Variants in LEF1 observed in about 807,000 individuals in gnomAD.
LEF1 encodes lymphoid enhancer-binding factor 1.
A neutral mutation model predicts 51.2 loss-of-function variants in LEF1; 14 were observed. The ratio of observed to expected loss-of-function variants is 0.27; its 90% CI spans 0.18 to 0.43. The LOEUF (loss-of-function observed/expected upper bound fraction) is 0.43. LEF1 is among the 20% of genes least tolerant of loss of function. LEF1 has a pLI of 1.00. For missense variants in LEF1, 386 were observed against 512.0 expected, an observed-to-expected ratio of 0.75 and a Z score of 2.37; for synonymous variants, 185 against 183.2, an observed-to-expected ratio of 1.01 and a Z score of -0.08.
intron 7 of LEF1, among the ~76,000 whole-genome samples, chr4:108,078,620 T>C (rs575769151): frequency 2.3e-4 from 35 of 152,162 alleles, no homozygotes; most frequent in African/African-American, 6.5e-4. Context: ...AATAAAACCC[T>C]TTGGTTTGAG....
At chr4:108,084,698 T>C (rs1003094027) in intron 4 of LEF1, among the ~76,000 whole-genome samples, 1 of 152,232 alleles carries the variant, frequency 6.6e-6, no homozygotes, top group Admixed American at 6.5e-5. Flanking sequence ...TGTTTTGCTG[T>C]TTTTAAAATA....
intron 3 of LEF1, among the ~76,000 whole-genome samples, chr4:108,102,695 T>C (rs193076044): frequency 5.9e-5 from 9 of 152,276 alleles, no homozygotes; most frequent in East Asian, 3.9e-4. Context: ...ATACAGCAAA[T>C]ATGGAATAAG....
intron 3 of LEF1, among the ~76,000 whole-genome samples, chr4:108,093,174 T>A (rs992944616): frequency 1.3e-5 from 2 of 152,050 alleles, no homozygotes; most frequent in Admixed American, 6.6e-5. Flanking sequence ...GACTACTGTA[T>A]AAAATAGTAC....
chr4:108,107,085 C>G (rs890732853), intron 3 of LEF1, among the ~76,000 whole-genome samples: 5 of 152,146 alleles, frequency 3.3e-5, no homozygotes, highest in Admixed American at 1.3e-4. Flanking sequence ...TAAAAAGACT[C>G]ATTGATCTTG....
intron 9 of LEF1, among the ~76,000 whole-genome samples, chr4:108,069,452 G>C (rs1239309508): frequency 1.3e-5 from 2 of 152,126 alleles, no homozygotes; most frequent in African/African-American, 2.4e-5. Flanking sequence ...CTATAAGTGA[G>C]GTATTTCCTG....
intron 3 of LEF1, among the ~76,000 whole-genome samples, chr4:108,102,932 C>A (rs1046584646): frequency 1.3e-5 from 2 of 152,128 alleles, no homozygotes; most frequent in African/African-American, 4.8e-5. Flanking sequence ...TCATTATCAC[C>A]CTGCAAGAAA....
chr4:108,125,242 C>T (rs1381770089), intron 3 of LEF1, among the ~76,000 whole-genome samples: 4 of 152,178 alleles, frequency 2.6e-5, no homozygotes, highest in African/African-American at 4.8e-5. Context: ...CAGCTCACTA[C>T]AATCTCTGCC....
At chr4:108,127,886 T>C (rs906799949) in intron 3 of LEF1, among the ~76,000 whole-genome samples, 1 of 152,142 alleles carries the variant, frequency 6.6e-6, no homozygotes, top group East Asian at 1.9e-4. Flanking sequence ...TGTCCTTGCA[T>C]CCCTTTTTCT....
At chr4:108,097,581 T>C (rs111446440) in intron 3 of LEF1, among the ~76,000 whole-genome samples, 2 of 152,144 alleles carry the variant, frequency 1.3e-5, no homozygotes, top group Non-Finnish European at 2.9e-5. Flanking sequence ...AAGAGTGGAA[T>C]TGGAATGTTC....
intron 3 of LEF1, among the ~76,000 whole-genome samples, chr4:108,092,558 C>A (rs1740093152): frequency 6.6e-6 from 1 of 152,158 alleles, no homozygotes; most frequent in African/African-American, 2.4e-5. Flanking sequence ...AAAGTGAGAA[C>A]CCTGGCACTG....
chr4:108,092,939 A>AAAC (rs1553952204), intron 3 of LEF1, among the ~76,000 whole-genome samples: 3,010 of 90,640 alleles, frequency 0.033, 296 homozygotes, highest in African/African-American at 0.05. Flanking sequence ...AAAAAAAAAA[A>AAAC]AAAAAAAAAA....
intron 3 of LEF1, among the ~76,000 whole-genome samples, chr4:108,103,890 A>G (rs1740975702): frequency 6.6e-6 from 1 of 152,270 alleles, no homozygotes; most frequent in African/African-American, 2.4e-5. Context: ...AGGTAAACAT[A>G]GAACTACCAT....
At chr4:108,109,114 T>C (rs1175700910) in intron 3 of LEF1, among the ~76,000 whole-genome samples, 3 of 152,252 alleles carry the variant, frequency 2.0e-5, no homozygotes, top group Non-Finnish European at 4.4e-5. Context: ...AAGCTACTTA[T>C]CTGCTGTGGG....
At position 108,145,927 on chromosome 4, in the gene LEF1, T is replaced by A. The variant is rs557273187; in HGVS notation, c.414+17641A>T. On this transcript the variant is annotated intron_variant, in intron 3 of 11. Transcript: ENST00000265165. The stretch of plus-strand genomic sequence containing the variant: ...AATGTCCTAAAACTGACTGTGATGA[T>A]GGCTGCACTAACTATGTGAATATAC... Among the ~76,000 whole-genome samples the A allele has an allele frequency of 6.6e-5, 10 of 152,340 alleles. No individual in the cohort carries two copies. The South Asian group carries it at 2.1e-3, about 32-fold the overall frequency.
rs2110435371 is a variant in LEF1 at position 108,168,717 on chromosome 4, C to T, written c.-950G>A. ...GCTCGAGTTTCTCAGCCTGGCTCGC[C>T]GGCTCGCCGCTCTGCACGCCTCCGC... On this transcript the variant is annotated 5_prime_UTR_variant, in exon 1 of 12. Transcript: ENST00000265165. The surrounding 1 kb of genome is among the most constrained non-coding windows in gnomAD (Gnocchi z 4.6). The T allele has an allele frequency of 6.6e-6, 1 of 152,370 alleles. No homozygotes were observed. The highest frequency in any genetic ancestry group is 1.9e-4 in the East Asian group (1 of 5,140). The allele number at this position is 152,370 out of a possible 1,614,324, so 9.4% of individuals were successfully genotyped here. A position where few individuals can be genotyped will look rare whatever the true frequency, so the allele number is the denominator to read the frequency against.
intron 3 of LEF1, among the ~76,000 whole-genome samples, chr4:108,144,338 A>T (rs952527928): frequency 4.6e-5 from 7 of 152,316 alleles, no homozygotes; most frequent in African/African-American, 1.7e-4. Context: ...CCCCAGGCAC[A>T]TGCTAAAGAA....
intron 3 of LEF1, among the ~76,000 whole-genome samples, chr4:108,152,464 G>T (rs1744418561): frequency 6.6e-6 from 1 of 152,190 alleles, no homozygotes; most frequent in African/African-American, 2.4e-5. Flanking sequence ...AACCTCATGA[G>T]ATCTGACGAG....
intron 11 of LEF1, among the ~76,000 whole-genome samples, chr4:108,057,257 C>A (rs573218723): frequency 3.3e-5 from 5 of 152,116 alleles, no homozygotes; most frequent in Non-Finnish European, 5.9e-5. Context: ...GAGACTTGGA[C>A]AAGACTTAAG....
intron 9 of LEF1, among the ~76,000 whole-genome samples, chr4:108,066,923 TATGTC>T (rs1246942116): frequency 6.6e-6 from 1 of 152,238 alleles, no homozygotes. Flanking sequence ...ATTATAAATC[TATGTC>T]ATGTAATAGG....
Sources: gnomAD v4.1 joint callset for allele counts (sites outside exome capture counted in the v4.1 genomes callset) on GRCh38, gnomAD v4.1.1 for gene constraint, Gnocchi (gnomAD v3.1) non-coding constraint, MANE v1.5 for transcripts, NCBI Gene and HGNC (gene_info 2026-07-23, HGNC 2026-07-21) for gene names.